The following TRAF1 variants were observed in gnomAD, a reference collection of about 807,000 sequenced individuals.
TRAF1 encodes TNF receptor-associated factor 1.
A neutral mutation model predicts 40.9 loss-of-function variants in TRAF1; 23 were observed. That is an observed-to-expected ratio of 0.56 (90% CI 0.40 to 0.80). The LOEUF (loss-of-function observed/expected upper bound fraction) is 0.80, where lower values mean the gene tolerates loss of function less well. Ranked by LOEUF, TRAF1 falls within the 30% of genes least tolerant of loss-of-function variation. TRAF1 has a pLI of 0.00. For synonymous variants in TRAF1, 206 were observed against 218.8 expected, an observed-to-expected ratio of 0.94 and a Z score of 0.52; for missense variants, 477 against 528.7, an observed-to-expected ratio of 0.90 and a Z score of 0.96.
At chr9:120,923,659 A>G (rs1404169506) in intron 3 of TRAF1, 46 bp downstream of exon 3, 5 of 1,606,328 alleles carry the variant, frequency 3.1e-6, no homozygotes, top group Non-Finnish European at 4.3e-6. Flanking sequence ...CAACCTGGAA[A>G]AATCAAGACA....
intron 3 of TRAF1, 195 bp from the exon 4 acceptor site, chr9:120,914,495 C>T: frequency 8.3e-7 from 1 of 1,210,140 alleles, no homozygotes; most frequent in East Asian, 3.3e-5. Flanking sequence ...CAAAACAGGA[C>T]CTGGGCCCTT....
At chr9:120,925,912 C>T in intron 2 of TRAF1, 24 bp downstream of exon 2, 2 of 1,613,390 alleles carry the variant, frequency 1.2e-6, no homozygotes, top group Non-Finnish European at 1.7e-6. Context: ...TTTCTGCCCA[C>T]CCTCCGCTCC....
At chr9:120,916,049 C>T (rs1476736425) in intron 3 of TRAF1, among the ~76,000 whole-genome samples, 1 of 152,172 alleles carries the variant, frequency 6.6e-6, no homozygotes, top group African/African-American at 2.4e-5. Flanking sequence ...TTGTTCAAAG[C>T]AACCCAAATG....
intron 7 of TRAF1, 69 bp from the exon 8 acceptor site, chr9:120,905,307 G>T (rs1386399474): frequency 1.2e-5 from 17 of 1,476,100 alleles, no homozygotes; most frequent in Admixed American, 2.0e-5. Flanking sequence ...CCAGGCTTGG[G>T]CTCAGAGCTG....
intron 7 of TRAF1, 77 bp downstream of exon 7, chr9:120,909,153 C>T: frequency 6.5e-7 from 1 of 1,544,936 alleles, no homozygotes; most frequent in African/African-American, 1.4e-5. Context: ...GTCACATGGC[C>T]AATTCATTGC....
chr9:120,925,015 C>G (rs2046629782), intron 2 of TRAF1, among the ~76,000 whole-genome samples: 3 of 152,246 alleles, frequency 2.0e-5, no homozygotes, highest in Admixed American at 6.5e-5. Context: ...AACCAGTGAA[C>G]CTCTGCTCCT....
chr9:120,910,381 T>G (rs529424256), intron 6 of TRAF1, among the ~76,000 whole-genome samples: 1 of 152,318 alleles, frequency 6.6e-6, no homozygotes, highest in East Asian at 1.9e-4. Flanking sequence ...TCTGGGATTG[T>G]GACACACTCC....
chr9:120,923,569 A>G (rs2046618493), intron 3 of TRAF1, 136 bp downstream of exon 3: 1 of 773,996 alleles, frequency 1.3e-6, no homozygotes. Flanking sequence ...CTTATTCCTT[A>G]TAAAGCAAAT....
At chr9:120,922,838 ATC>A (rs1404643616) in intron 3 of TRAF1, among the ~76,000 whole-genome samples, 1 of 152,106 alleles carries the variant, frequency 6.6e-6, no homozygotes, top group Admixed American at 6.5e-5. Context: ...GTCCCAAAAT[ATC>A]TTTTTTTGTT....
intron 2 of TRAF1, among the ~76,000 whole-genome samples, chr9:120,925,717 C>T (rs1453170851): frequency 1.3e-5 from 2 of 152,360 alleles, no homozygotes; most frequent in East Asian, 3.9e-4. Context: ...GTGTGGATGG[C>T]TTTCCCCTGT....
chr9:120,905,777 A>AGCC (rs1360017840), intron 7 of TRAF1, among the ~76,000 whole-genome samples: 8 of 152,214 alleles, frequency 5.3e-5, no homozygotes, highest in Non-Finnish European at 1.2e-4. Flanking sequence ...TCCCCTGAGA[A>AGCC]GCCGATTGTC....
chr9:120,905,207 C>T lies in TRAF1; in HGVS notation c.1064G>A (p.Arg355His), dbSNP rs377746528. Residue 355 changes from arginine (R) to histidine (H), a missense_variant, in exon 8 of 8, where the codon CGT (arginine) becomes CAT (histidine). Physicochemically the swap from Arg to His is conservative, Grantham distance 29. Transcript: ENST00000373887. ...VTFMLLDQNN[R>H]EHAIDAFRPD... ...CCGGAAGGCGTCAATGGCGTGCTCA[C>T]GGTTGTTCTGGTCCAGCAGCATGAA... 4.5e-5 allele frequency: 72 copies of T among 1,613,286 alleles called. No homozygotes were observed. In the African/African-American group the frequency reaches 6.0e-4, roughly 13 times the overall value.
chr9:120,912,091 C>T (rs533563164), intron 5 of TRAF1, among the ~76,000 whole-genome samples: 14 of 152,260 alleles, frequency 9.2e-5, no homozygotes, highest in East Asian at 5.8e-4. Context: ...CTTGGGTGTG[C>T]TCAGGTAGGG....
chr9:120,918,082 A>G (rs2046580799), intron 3 of TRAF1, among the ~76,000 whole-genome samples: 1 of 152,160 alleles, frequency 6.6e-6, no homozygotes, highest in Non-Finnish European at 1.5e-5. Context: ...AGGCAAAGAG[A>G]GAGGCCTTGG....
chr9:120,927,115 G>C (rs983832716), upstream of TRAF1: 1 of 152,212 alleles, frequency 6.6e-6, no homozygotes, highest in African/African-American at 2.4e-5. Flanking sequence ...GAAGCAAGAT[G>C]CCTGGTCCAA....
At chr9:120,919,651 C>T (rs1168372350) in intron 3 of TRAF1, among the ~76,000 whole-genome samples, 1 of 152,160 alleles carries the variant, frequency 6.6e-6, no homozygotes, top group African/African-American at 2.4e-5. Context: ...CACTGTCCGC[C>T]CGTTCCTGCC....
At chr9:120,922,010 T>C (rs1051661662) in intron 3 of TRAF1, among the ~76,000 whole-genome samples, 8 of 152,204 alleles carry the variant, frequency 5.3e-5, no homozygotes, top group African/African-American at 1.4e-4. Context: ...GAATTGCTGC[T>C]AGCCAAGCAG....
intron 3 of TRAF1, among the ~76,000 whole-genome samples, chr9:120,918,550 A>G (rs1388001774): frequency 6.6e-6 from 1 of 152,094 alleles, no homozygotes; most frequent in Non-Finnish European, 1.5e-5. Context: ...CATGTATCTC[A>G]TTTAATCCTC....
Position 120,904,826 on chromosome 9 carries a change from C to T in TRAF1, c.*194G>A. 1.6e-6 allele frequency: 1 copy of T among 624,910 alleles called. No homozygotes were observed. The highest frequency in any genetic ancestry group is 2.0e-5 in the South Asian group (1 of 50,884). 38.7% of individuals were successfully genotyped at this position (624,910 alleles called of 1,614,324 possible). ...TGCCTGTCTCCTTCTGGACCCTTTG[C>T]CTTTGTGGGCCCAGCCCACGTCCTG... On this transcript the variant is annotated 3_prime_UTR_variant, in exon 8 of 8. Coordinates refer to ENST00000373887, the MANE Select transcript of TRAF1 (RefSeq NM_005658.5).
Sources: gnomAD v4.1 joint callset for allele counts (sites outside exome capture counted in the v4.1 genomes callset) on GRCh38, gnomAD v4.1.1 for gene constraint, MANE v1.5 for transcripts, NCBI Gene and HGNC (gene_info 2026-07-23, HGNC 2026-07-21) for gene names.